NFXL1: variants seen among roughly 807,000 people sequenced by gnomAD.
NFXL1 encodes the protein nuclear transcription factor, X-box binding like 1.
Under a neutral mutation model 123.3 loss-of-function variants are expected in NFXL1, and 66 were observed. That is an observed-to-expected ratio of 0.54 (90% confidence interval 0.44 to 0.66). NFXL1 has a LOEUF of 0.66. Among genes scored for constraint, NFXL1 ranks in the 30% least tolerant of loss-of-function variants. The pLI is 0.00. For synonymous variants in NFXL1, 346 were observed against 360.8 expected (o/e 0.96, Z 0.46); for missense variants, 944 against 1,125.6 (o/e 0.84, Z 2.31).
chr4:47,863,417 C>G (rs1258378544), intron 18 of NFXL1, among the ~76,000 whole-genome samples: 3 of 152,172 alleles, frequency 2.0e-5, no homozygotes, highest in African/African-American at 7.2e-5. Context: ...TACAGTCGCT[C>G]TAACCTGTAA....
intron 19 of NFXL1, among the ~76,000 whole-genome samples, chr4:47,856,262 A>G (rs2110032900): frequency 6.6e-6 from 1 of 152,296 alleles, no homozygotes; most frequent in East Asian, 1.9e-4. Flanking sequence ...AGTACTTTAT[A>G]AAGCTGTTGT....
At chr4:47,882,354 G>T (rs984676964) in intron 15 of NFXL1, 3 of 152,202 alleles carry the variant, frequency 2.0e-5, no homozygotes. Flanking sequence ...AGGTGATGAT[G>T]ATGACACACA....
chr4:47,851,019 T>C, intron 22 of NFXL1, 76 bp downstream of exon 22: 2 of 1,088,886 alleles, frequency 1.8e-6, no homozygotes, highest in South Asian at 1.3e-5. Context: ...AGTTTGACCT[T>C]GGAATATACC....
At chr4:47,865,333 A>T (rs1734990964) in intron 18 of NFXL1, among the ~76,000 whole-genome samples, 1 of 152,186 alleles carries the variant, frequency 6.6e-6, no homozygotes. Flanking sequence ...AAAAATCTGT[A>T]GTGCTGAGGT....
chr4:47,900,399 C>T (rs1367600191), intron 5 of NFXL1, among the ~76,000 whole-genome samples: 3 of 152,006 alleles, frequency 2.0e-5, no homozygotes, highest in Non-Finnish European at 4.4e-5. Context: ...TTAGTAGATC[C>T]GGGGTTTTGC....
intron 18 of NFXL1, among the ~76,000 whole-genome samples, chr4:47,868,603 A>G (rs1261981573): frequency 6.6e-6 from 1 of 152,120 alleles, no homozygotes; most frequent in Non-Finnish European, 1.5e-5. Flanking sequence ...ACTAAACGAA[A>G]ACAAACCTTA....
At chr4:47,906,742 T>TA (rs983210754) in intron 3 of NFXL1, among the ~76,000 whole-genome samples, 1 of 152,124 alleles carries the variant, frequency 6.6e-6, no homozygotes, top group Admixed American at 6.5e-5. Context: ...TTTTACAAAA[T>TA]AAAAACCAAC....
chr4:47,862,404 G>A (rs1027362485), intron 19 of NFXL1, among the ~76,000 whole-genome samples: 2 of 152,134 alleles, frequency 1.3e-5, no homozygotes, highest in African/African-American at 4.8e-5. Context: ...TCAAAATGCT[G>A]TGGATATGAA....
At chr4:47,889,960 A>G (rs889815033) in intron 12 of NFXL1, among the ~76,000 whole-genome samples, 1 of 152,182 alleles carries the variant, frequency 6.6e-6, no homozygotes, top group Non-Finnish European at 1.5e-5. Flanking sequence ...GTAAAAATGT[A>G]AAATTTTCTA....
Position 47,885,984 on chromosome 4 carries a change from C to G in NFXL1, c.1559G>C (p.Cys520Ser). The change falls in exon 13 of 23, where the codon TGC becomes TCC. Residue 520 changes from cysteine to serine, a missense_variant. Around this residue, in one of 4 missense-constraint regions of NFXL1, gnomAD observed 296 missense variants for 395.1 expected, o/e 0.75. Transcript: ENST00000507489. ...SVCHRGSCYP[C>S]PETVDVKCNC... The stretch of plus-strand genomic sequence containing the variant: ...ACACTTCACATCTACGGTTTCTGGG[C>G]AGGGATAGCAACTGCCTGAAAAAAA... 6.2e-7 allele frequency: 1 copy of G among 1,611,710 alleles called. No individual in the cohort carries two copies. The highest frequency in any genetic ancestry group is 8.5e-7 in the Non-Finnish European group (1 of 1,179,348).
At chr4:47,849,554 A>T (rs77032921) in intron 22 of NFXL1, among the ~76,000 whole-genome samples, 1 of 152,202 alleles carries the variant, frequency 6.6e-6, no homozygotes, top group African/African-American at 2.4e-5. Context: ...GTTTAATACA[A>T]AGTGGCATTC....
chr4:47,874,188 T>C (rs1265985460), intron 18 of NFXL1, among the ~76,000 whole-genome samples: 1 of 152,238 alleles, frequency 6.6e-6, no homozygotes, highest in Non-Finnish European at 1.5e-5. Context: ...CTGTGTTCGC[T>C]GGAATGAACT....
intron 15 of NFXL1, among the ~76,000 whole-genome samples, chr4:47,880,807 T>TAAAAAAAAAAAAAAAAAAAAAAAAGAAA (rs57880960): frequency 2.5e-5 from 2 of 78,834 alleles, no homozygotes; most frequent in Non-Finnish European, 2.5e-5. Context: ...AATTAATGAG[T>TAAAAAAAAAAAAAAAAAAAAAAAAGAAA]AAAAAAAAAA....
At chr4:47,913,919 ACT>A (rs1560608893) in intron 2 of NFXL1, 48 bp downstream of exon 2, 1 of 1,344,780 alleles carries the variant, frequency 7.4e-7, no homozygotes, top group African/African-American at 1.5e-5. Context: ...CTGACTAGTA[ACT>A]GCCTTAGGAG....
intron 16 of NFXL1, 68 bp from the exon 17 acceptor site, chr4:47,878,733 CA>C (rs1735903557): frequency 1.8e-6 from 2 of 1,107,914 alleles, no homozygotes; most frequent in African/African-American, 3.2e-5. Context: ...TATATGTTTC[CA>C]AAATTACTCT....
intron 19 of NFXL1, among the ~76,000 whole-genome samples, chr4:47,860,389 G>A (rs983753371): frequency 2.0e-5 from 3 of 152,168 alleles, no homozygotes; most frequent in Non-Finnish European, 4.4e-5. Context: ...TGTTCTTAAC[G>A]ACATCCTTAT....
intron 21 of NFXL1, among the ~76,000 whole-genome samples, chr4:47,851,572 C>CA (rs1004454361): frequency 5.3e-5 from 8 of 151,950 alleles, no homozygotes; most frequent in Non-Finnish European, 1.2e-4. Context: ...CAAACAAAAT[C>CA]AAGAGGTCAC....
chr4:47,890,760 C>T, intron 11 of NFXL1, 57 bp from the exon 12 acceptor site: 1 of 893,410 alleles, frequency 1.1e-6, no homozygotes. Flanking sequence ...GAATAATAGG[C>T]ATGTCATTAC....
At chr4:47,863,643 C>A (rs909407466) in intron 18 of NFXL1, among the ~76,000 whole-genome samples, 6 of 152,174 alleles carry the variant, frequency 3.9e-5, no homozygotes, top group African/African-American at 1.4e-4. Flanking sequence ...GATCATGACA[C>A]TGCACTCCAG....
Sources: gnomAD v4.1 joint callset for allele counts (sites outside exome capture counted in the v4.1 genomes callset) on GRCh38, gnomAD v4.1.1 for gene constraint, gnomAD v4.1.1 regional missense constraint, MANE v1.5 for transcripts, NCBI Gene and HGNC (gene_info 2026-07-23, HGNC 2026-07-21) for gene names.